Variants in LOC128462377 observed in about 807,000 individuals in gnomAD.
At chr16:89,353,176 T>C in the LOC128462377 span, among the ~76,000 whole-genome samples, 1 of 152,008 alleles carries the variant, frequency 6.6e-6, no homozygotes, top group Non-Finnish European at 1.5e-5. Flanking sequence ...ACCCCGTCTC[T>C]ACTAAAAATA....
chr16:89,388,886 C>T, the LOC128462377 span, among the ~76,000 whole-genome samples: 1 of 152,194 alleles, frequency 6.6e-6, no homozygotes, highest in Non-Finnish European at 1.5e-5. Context: ...CTAAAAGCAA[C>T]AGCTGAAAGG....
chr16:89,363,990 T>A, the LOC128462377 span, among the ~76,000 whole-genome samples: 1 of 151,644 alleles, frequency 6.6e-6, no homozygotes, highest in African/African-American at 2.4e-5. Flanking sequence ...AGCCCGGGAG[T>A]TGGAGGGTGT....
At chr16:89,392,443 G>C in the LOC128462377 span, 4 of 151,984 alleles carry the variant, frequency 2.6e-5, no homozygotes, top group Admixed American at 6.6e-5. Context: ...TTCTACAATG[G>C]GTAAACGATG....
At chr16:89,331,112 C>A in the LOC128462377 span, among the ~76,000 whole-genome samples, 1 of 152,124 alleles carries the variant, frequency 6.6e-6, no homozygotes, top group African/African-American at 2.4e-5. Flanking sequence ...TGCCACCATG[C>A]CCGGCTAATT....
chr16:89,405,863 C>T, the LOC128462377 span, among the ~76,000 whole-genome samples: 8 of 152,114 alleles, frequency 5.3e-5, no homozygotes, highest in Non-Finnish European at 1.0e-4. Flanking sequence ...ATAATCCCAG[C>T]ACTTTGGGAG....
At chr16:89,328,254 A>G in the LOC128462377 span, among the ~76,000 whole-genome samples, 1 of 152,228 alleles carries the variant, frequency 6.6e-6, no homozygotes, top group African/African-American at 2.4e-5. Flanking sequence ...GTGGGAACGC[A>G]AAGTGGTGTT....
At chr16:89,317,369 C>T in the LOC128462377 span, among the ~76,000 whole-genome samples, 1 of 152,196 alleles carries the variant, frequency 6.6e-6, no homozygotes, top group African/African-American at 2.4e-5. Flanking sequence ...TTCTGGGTGG[C>T]AGTCAGCAGC....
the LOC128462377 span, among the ~76,000 whole-genome samples, chr16:89,381,300 C>T: frequency 6.9e-6 from 1 of 145,920 alleles, no homozygotes; most frequent in African/African-American, 2.6e-5. Context: ...CCACTGCACT[C>T]CAGCCTGGGC....
the LOC128462377 span, among the ~76,000 whole-genome samples, chr16:89,362,953 T>C: frequency 6.6e-6 from 1 of 151,900 alleles, no homozygotes; most frequent in African/African-American, 2.4e-5. Flanking sequence ...GACACAGCAG[T>C]TGGTATAAAA....
At chr16:89,367,465 C>G in the LOC128462377 span, among the ~76,000 whole-genome samples, 1 of 152,172 alleles carries the variant, frequency 6.6e-6, no homozygotes, top group Non-Finnish European at 1.5e-5. Context: ...CTCAGGGGAG[C>G]GACGCTCTCA....
chr16:89,365,728 T>C, the LOC128462377 span, among the ~76,000 whole-genome samples: 1 of 152,192 alleles, frequency 6.6e-6, no homozygotes, highest in Non-Finnish European at 1.5e-5. Flanking sequence ...TTTTTAACTT[T>C]GTTTTAGGTT....
chr16:89,398,065 G>T, the LOC128462377 span, among the ~76,000 whole-genome samples: 24 of 152,354 alleles, frequency 1.6e-4, no homozygotes, highest in African/African-American at 5.5e-4. Context: ...GGAGAATCTG[G>T]TGACGCTGTG....
At chr16:89,324,507 G>C in the LOC128462377 span, 2 of 456,190 alleles carry the variant, frequency 4.4e-6, no homozygotes, top group Admixed American at 2.4e-5. Flanking sequence ...GGAGCATCTT[G>C]AGGAAGCTGC....
At chr16:89,413,138 G>A in the LOC128462377 span, among the ~76,000 whole-genome samples, 5 of 152,318 alleles carry the variant, frequency 3.3e-5, no homozygotes, top group South Asian at 4.1e-4. Context: ...TAACTTAAAT[G>A]ACACAGCATC....
the LOC128462377 span, among the ~76,000 whole-genome samples, chr16:89,328,344 CAT>C: frequency 6.6e-6 from 1 of 152,226 alleles, no homozygotes; most frequent in African/African-American, 2.4e-5. Context: ...CACCCCAGGA[CAT>C]TTATCTGAGA....
the LOC128462377 span, among the ~76,000 whole-genome samples, chr16:89,389,360 TA>T: frequency 1.3e-5 from 2 of 151,684 alleles, no homozygotes; most frequent in Non-Finnish European, 2.9e-5. Context: ...TTTTCAAAAA[TA>T]AAAAGTATAT....
the LOC128462377 span, among the ~76,000 whole-genome samples, chr16:89,382,437 T>G: frequency 7.4e-4 from 112 of 151,556 alleles, 1 homozygote; most frequent in Middle Eastern, 0.01. Flanking sequence ...GCAATTCTCC[T>G]GCCTCGGCCT....
chr16:89,410,753 C>G, the LOC128462377 span, among the ~76,000 whole-genome samples: 1 of 152,246 alleles, frequency 6.6e-6, no homozygotes, highest in African/African-American at 2.4e-5. Flanking sequence ...AAAGAACCCT[C>G]GCTTCTCATT....
chr16:89,334,619 G>C, the LOC128462377 span, among the ~76,000 whole-genome samples: 3 of 152,228 alleles, frequency 2.0e-5, no homozygotes, highest in East Asian at 5.8e-4. Flanking sequence ...CCCAGAGCAA[G>C]CAGAGCCCAG....
Sources: allele counts gnomAD v4.1 joint callset (sites outside exome capture counted in the v4.1 genomes callset), GRCh38; gene constraint gnomAD v4.1.1; transcripts MANE v1.5.